SNAP25: variants seen among roughly 807,000 people sequenced by gnomAD.
SNAP25 encodes synaptosome associated protein 25, also known as synaptosomal-associated protein 25.
SNAP25 carries 3 observed loss-of-function variants against 28.7 expected under a neutral mutation model. That is an observed-to-expected ratio of 0.10 (90% CI 0.05 to 0.27). The LOEUF (loss-of-function observed/expected upper bound fraction) is 0.27, where lower values mean the gene tolerates loss of function less well. SNAP25 is among the 10% of genes least tolerant of loss of function. SNAP25 has a pLI of 1.00. For missense variants in SNAP25, 117 were observed against 278.7 expected (o/e 0.42, Z 4.13); for synonymous variants, 61 against 88.1 (o/e 0.69, Z 1.72).
intron 3 of SNAP25, among the ~76,000 whole-genome samples, chr20:10,283,123 GATA>G (rs2063809497): frequency 6.6e-6 from 1 of 152,162 alleles, no homozygotes; most frequent in Non-Finnish European, 1.5e-5. Flanking sequence ...TCAGATACTC[GATA>G]ATGATGATAT....
chr20:10,267,228 T>C (rs750408255), intron 1 of SNAP25, among the ~76,000 whole-genome samples: 2 of 152,120 alleles, frequency 1.3e-5, no homozygotes, highest in Non-Finnish European at 2.9e-5. Flanking sequence ...ACCTGTAAGA[T>C]ACAGCCACAG....
chr20:10,280,334 T>A (rs552586011), intron 3 of SNAP25, among the ~76,000 whole-genome samples: 2 of 152,156 alleles, frequency 1.3e-5, no homozygotes, highest in Non-Finnish European at 2.9e-5. Context: ...AAAAAATGAA[T>A]GCCATAGATA....
At chr20:10,248,709 C>G (rs1412520776) in intron 1 of SNAP25, among the ~76,000 whole-genome samples, 1 of 152,164 alleles carries the variant, frequency 6.6e-6, no homozygotes, top group African/African-American at 2.4e-5. Context: ...TAGTGCAGCC[C>G]CACTCCTCAG....
chr20:10,248,262 A>G (rs891399391), intron 1 of SNAP25, among the ~76,000 whole-genome samples: 4 of 152,226 alleles, frequency 2.6e-5, no homozygotes, highest in Non-Finnish European at 5.9e-5. Context: ...GAGACCCATA[A>G]AATAGTTTAT....
intron 1 of SNAP25, among the ~76,000 whole-genome samples, chr20:10,234,261 A>G (rs2062878405): frequency 6.6e-6 from 1 of 152,188 alleles, no homozygotes; most frequent in Admixed American, 6.5e-5. Flanking sequence ...CAGATATGAA[A>G]ACTGGGACAT....
intron 1 of SNAP25, among the ~76,000 whole-genome samples, chr20:10,237,648 G>A (rs781390619): frequency 2.0e-5 from 3 of 152,148 alleles, no homozygotes; most frequent in Non-Finnish European, 4.4e-5. Context: ...CTGAGATAAA[G>A]TTTTTTCATA....
At chr20:10,235,492 T>C (rs1380226961) in intron 1 of SNAP25, among the ~76,000 whole-genome samples, 3 of 152,202 alleles carry the variant, frequency 2.0e-5, no homozygotes, top group Admixed American at 2.0e-4. Context: ...AGTGTCGAGC[T>C]CTCCTGAATC....
rs2064369895 is a variant in SNAP25, at chr20:10,306,778, A to G, written c.*581A>G. Reference sequence around the variant, plus strand: ...ATTCCTACTTAAACAAAAACTTTCCATGACAGTAGCATACTGATGAGACAA... The same window carrying G: ...ATTCCTACTTAAACAAAAACTTTCCGTGACAGTAGCATACTGATGAGACAA... On this transcript the variant is annotated 3_prime_UTR_variant, in exon 8 of 8. Transcript: ENST00000254976. The G allele has an allele frequency of 4.5e-5, 7 of 154,554 alleles. No homozygotes were observed. In the Middle Eastern group the frequency reaches 3.1e-3, roughly 68 times the overall value. The allele number at this position is 154,554 out of a possible 1,614,324, so 9.6% of individuals were successfully genotyped here. A position where few individuals can be genotyped will look rare whatever the true frequency, so the allele number is the denominator to read the frequency against.
intron 1 of SNAP25, among the ~76,000 whole-genome samples, chr20:10,255,732 C>A (rs2063308533): frequency 6.6e-6 from 1 of 152,120 alleles, no homozygotes; most frequent in East Asian, 1.9e-4. Context: ...TTTCTGTTTT[C>A]TTGGACATAA....
intron 7 of SNAP25, among the ~76,000 whole-genome samples, chr20:10,300,751 G>T (rs977112500): frequency 1.3e-5 from 2 of 152,146 alleles, no homozygotes; most frequent in Non-Finnish European, 2.9e-5. Flanking sequence ...TTTAGTGTTG[G>T]TTGGCAAAAT....
chr20:10,292,597 G>C (rs752227316), intron 4 of SNAP25, among the ~76,000 whole-genome samples: 1 of 152,112 alleles, frequency 6.6e-6, no homozygotes, highest in African/African-American at 2.4e-5. Flanking sequence ...ACTGGTGCCT[G>C]AGTAAGCGAA....
chr20:10,225,227 C>T (rs566948721), intron 1 of SNAP25, among the ~76,000 whole-genome samples: 2 of 120,650 alleles, frequency 1.7e-5, no homozygotes, highest in South Asian at 2.9e-4. Context: ...TCACATGTCC[C>T]GGAGGGGAAA....
intron 3 of SNAP25, among the ~76,000 whole-genome samples, chr20:10,280,130 A>C (rs2063754414): frequency 6.6e-6 from 1 of 152,226 alleles, no homozygotes; most frequent in African/African-American, 2.4e-5. Flanking sequence ...TCTCAAAGAC[A>C]GGAAAGGTTA....
intron 1 of SNAP25, among the ~76,000 whole-genome samples, chr20:10,245,979 G>A (rs1164455715): frequency 6.6e-6 from 1 of 152,216 alleles, no homozygotes; most frequent in African/African-American, 2.4e-5. Context: ...ACCGAAGTCT[G>A]AGACTTCAAA....
At chr20:10,304,611 T>A (rs1174633017) in intron 7 of SNAP25, among the ~76,000 whole-genome samples, 1 of 152,252 alleles carries the variant, frequency 6.6e-6, no homozygotes, top group Non-Finnish European at 1.5e-5. Flanking sequence ...GTTTACAAGA[T>A]GAATCATCAG....
chr20:10,288,881 G>A (rs565617075), intron 4 of SNAP25, among the ~76,000 whole-genome samples: 2 of 151,542 alleles, frequency 1.3e-5, no homozygotes, highest in South Asian at 2.1e-4. Context: ...ATTGACAGAT[G>A]AGCATGTCAA....
At chr20:10,242,474 A>G (rs1370661765) in intron 1 of SNAP25, among the ~76,000 whole-genome samples, 2 of 152,182 alleles carry the variant, frequency 1.3e-5, no homozygotes, top group Non-Finnish European at 2.9e-5. Flanking sequence ...ACTCTAAGCC[A>G]TGTGAAGCCT....
chr20:10,303,117 CATA>C (rs1432944856), intron 7 of SNAP25, among the ~76,000 whole-genome samples: 1 of 152,152 alleles, frequency 6.6e-6, no homozygotes, highest in Non-Finnish European at 1.5e-5. Context: ...AGTCTGGCAA[CATA>C]ATAATTCAAT....
intron 2 of SNAP25, among the ~76,000 whole-genome samples, chr20:10,277,240 G>A (rs773775123): frequency 7.9e-5 from 12 of 151,978 alleles, no homozygotes; most frequent in Admixed American, 6.6e-4. Flanking sequence ...ACTTCCAATT[G>A]TGTTTCTAGG....
Sources: gnomAD v4.1 joint callset for allele counts (sites outside exome capture counted in the v4.1 genomes callset) on GRCh38, gnomAD v4.1.1 for gene constraint, MANE v1.5 for transcripts, NCBI Gene and HGNC (gene_info 2026-07-23, HGNC 2026-07-21) for gene names.